The following TMEM117 variants were observed in gnomAD, a reference collection of about 807,000 sequenced individuals.
The protein encoded by TMEM117 is transmembrane protein 117.
A neutral mutation model predicts 52.4 loss-of-function variants in TMEM117; 27 were observed. The observed-to-expected ratio is 0.51, with a 90% CI of 0.38 to 0.71. TMEM117 has a LOEUF of 0.71. TMEM117 is among the 30% of genes least tolerant of loss of function. TMEM117 has a pLI of 0.00. For missense variants in TMEM117, 556 were observed against 630.5 expected, an observed-to-expected ratio of 0.88 and a Z score of 1.26; for synonymous variants, 215 against 206.3, an observed-to-expected ratio of 1.04 and a Z score of -0.36.
intron 2 of TMEM117, among the ~76,000 whole-genome samples, chr12:43,854,856 C>T (rs999346108): frequency 6.6e-5 from 10 of 152,040 alleles, no homozygotes; most frequent in African/African-American, 2.2e-4. Flanking sequence ...AGGTTGGTCT[C>T]GAACTCCTGA....
chr12:44,367,659 C>T (rs1951807258), intron 6 of TMEM117, among the ~76,000 whole-genome samples: 1 of 152,044 alleles, frequency 6.6e-6, no homozygotes. Context: ...CAGCCTTGTG[C>T]TCTCCCCAAA....
At chr12:43,994,096 C>T (rs1048770380) in intron 3 of TMEM117, among the ~76,000 whole-genome samples, 1 of 152,116 alleles carries the variant, frequency 6.6e-6, no homozygotes, top group Non-Finnish European at 1.5e-5. Flanking sequence ...AGTCAGGGAC[C>T]AACCTGAGTC....
downstream of TMEM117, among the ~76,000 whole-genome samples, chr12:44,393,590 C>T (rs1185323774): frequency 6.9e-6 from 1 of 144,612 alleles, no homozygotes; most frequent in African/African-American, 2.7e-5. Context: ...TCTTGTCTGA[C>T]TCCAGTTTTC....
chr12:44,150,449 G>GACACCAACATGGACCATCGC (rs1237161489), intron 4 of TMEM117, among the ~76,000 whole-genome samples: 3 of 152,060 alleles, frequency 2.0e-5, no homozygotes, highest in Non-Finnish European at 2.9e-5. Context: ...TTGCGAGTGG[G>GACACCAACATGGACCATCGC]ACACCAACAT....
At chr12:44,138,643 A>G (rs1333240633) in intron 3 of TMEM117, among the ~76,000 whole-genome samples, 1 of 152,162 alleles carries the variant, frequency 6.6e-6, no homozygotes, top group Non-Finnish European at 1.5e-5. Flanking sequence ...TTAGGTTCAG[A>G]TGCAATTTTA....
chr12:44,028,979 C>A (rs1304034145), intron 3 of TMEM117, among the ~76,000 whole-genome samples: 1 of 151,974 alleles, frequency 6.6e-6, no homozygotes, highest in African/African-American at 2.4e-5. Flanking sequence ...TCTGGAGAAC[C>A]CTGAAGGGAT....
intron 6 of TMEM117, among the ~76,000 whole-genome samples, chr12:44,327,014 A>G (rs964996407): frequency 2.0e-5 from 3 of 152,234 alleles, no homozygotes; most frequent in Admixed American, 6.5e-5. Context: ...AATACAAAAG[A>G]TAAGTCATTA....
At chr12:44,022,402 G>A (rs1946468989) in intron 3 of TMEM117, among the ~76,000 whole-genome samples, 1 of 152,088 alleles carries the variant, frequency 6.6e-6, no homozygotes, top group South Asian at 2.1e-4. Flanking sequence ...GCGTCCAAAG[G>A]GGAACCTTTT....
intron 3 of TMEM117, among the ~76,000 whole-genome samples, chr12:44,136,046 C>T (rs990599022): frequency 1.3e-5 from 2 of 152,122 alleles, no homozygotes; most frequent in Non-Finnish European, 2.9e-5. Flanking sequence ...TTCCCTTTTA[C>T]AATAATAAAA....
At chr12:44,203,903 G>A (rs1188013111) in intron 4 of TMEM117, among the ~76,000 whole-genome samples, 2 of 152,140 alleles carry the variant, frequency 1.3e-5, no homozygotes, top group East Asian at 3.9e-4. Flanking sequence ...GTCATGTGCA[G>A]CTGAGAATAA....
At chr12:43,913,023 G>A (rs149469435) in intron 2 of TMEM117, among the ~76,000 whole-genome samples, 277 of 152,240 alleles carry the variant, frequency 1.8e-3, no homozygotes, top group African/African-American at 6.4e-3. Flanking sequence ...TTGAGAAGTG[G>A]AATACTTTAT....
chr12:43,804,617 A>G, the TMEM117 span: 1 of 1,337,784 alleles, frequency 7.5e-7, no homozygotes, highest in East Asian at 2.3e-5. Context: ...ACTTACATAT[A>G]AATACTTTCC....
intron 4 of TMEM117, among the ~76,000 whole-genome samples, chr12:44,179,022 C>T (rs1355345661): frequency 6.6e-6 from 1 of 152,048 alleles, no homozygotes; most frequent in East Asian, 1.9e-4. Flanking sequence ...GGGAAAACCC[C>T]ATCTTTACTA....
chr12:44,208,725 G>GTTTTTTTTTTTT (rs5797892), intron 4 of TMEM117, among the ~76,000 whole-genome samples: 2 of 68,828 alleles, frequency 2.9e-5, no homozygotes, highest in African/African-American at 5.2e-5. Context: ...CAGAAAGAAT[G>GTTTTTTTTTTTT]TTTTTTTTTT....
At chr12:43,946,920 A>C (rs1945142841) in intron 3 of TMEM117, among the ~76,000 whole-genome samples, 1 of 152,214 alleles carries the variant, frequency 6.6e-6, no homozygotes, top group Non-Finnish European at 1.5e-5. Context: ...GTAACTGTTG[A>C]ACTCTTCACC....
At chr12:43,820,682 T>C in the TMEM117 span, among the ~76,000 whole-genome samples, 1 of 152,144 alleles carries the variant, frequency 6.6e-6, no homozygotes, top group African/African-American at 2.4e-5. Context: ...TTTTGCCCAC[T>C]TTATTGTCCT....
intron 7 of TMEM117, among the ~76,000 whole-genome samples, chr12:44,385,034 G>T (rs1050383588): frequency 1.3e-5 from 2 of 152,144 alleles, no homozygotes; most frequent in African/African-American, 2.4e-5. Flanking sequence ...GAACTGGAAG[G>T]CATCTAGTTC....
chr12:44,004,247 C>T (rs1946160285), intron 3 of TMEM117, among the ~76,000 whole-genome samples: 1 of 152,138 alleles, frequency 6.6e-6, no homozygotes, highest in Non-Finnish European at 1.5e-5. Context: ...GGGTAAGCAG[C>T]TTTGGGAAAA....
intron 1 of TMEM117, among the ~76,000 whole-genome samples, chr12:43,841,037 GA>G (rs1943108666): frequency 6.6e-6 from 1 of 152,194 alleles, no homozygotes; most frequent in African/African-American, 2.4e-5. Flanking sequence ...GCCTGTGTAC[GA>G]AGTCATGAAG....
Sources: allele counts gnomAD v4.1 joint callset (sites outside exome capture counted in the v4.1 genomes callset), GRCh38; gene constraint gnomAD v4.1.1; transcripts MANE v1.5; gene names NCBI Gene and HGNC (gene_info 2026-07-23, HGNC 2026-07-21).